NOL8: variants seen among roughly 807,000 people sequenced by gnomAD.
NOL8 encodes the protein nucleolar protein Nop132.
In NOL8, 93 loss-of-function variants were observed where a neutral mutation model predicts 116.1. That is an observed-to-expected ratio of 0.80 (90% CI 0.68 to 0.95). The LOEUF (loss-of-function observed/expected upper bound fraction) is 0.95. Among genes scored for constraint, NOL8 ranks in the 40% least tolerant of loss-of-function variants. The pLI is 0.00. For synonymous variants in NOL8, 419 were observed against 469.0 expected (o/e 0.89, Z 1.38); for missense variants, 1,291 against 1,382.8 (o/e 0.93, Z 1.05).
In NOL8 at chr9:92,315,299, T is replaced by C. The variant is rs750839049; in HGVS notation, c.1326A>G (p.Leu442=). 1.2e-6 allele frequency: 2 copies of C among 1,614,016 alleles called. No homozygotes were observed. The highest frequency in any genetic ancestry group is 2.2e-5 in the East Asian group (1 of 44,886). ...SNVESALSHG[L]KSLNRKSPSH... The stretch of plus-strand genomic sequence containing the variant: ...AGGGAGATTTACGATTAAGAGACTT[T>C]AATCCATGACTGAGGGCTGACTCTA... Residue 442 remains leucine, a synonymous_variant, in exon 7 of 17, where the codon TTA becomes TTG. Transcript: ENST00000442668.
At chr9:92,300,925 G>C (rs1837685281) in intron 13 of NOL8, 3 of 926,116 alleles carry the variant, frequency 3.2e-6, no homozygotes, top group Non-Finnish European at 2.6e-6. Context: ...CTTCTGTATA[G>C]GTATTACCTG....
At position 92,314,483 on chromosome 9, in the gene NOL8, T is replaced by C. The variant is rs775057943; in HGVS notation, c.2142A>G (p.Ser714=). The change falls in exon 7 of 17, where the codon TCA becomes TCG. Residue 714 remains serine (S), a synonymous_variant. Coordinates refer to ENST00000442668, the MANE Select transcript of NOL8 (RefSeq NM_017948.6). ...TEASQEERSD[S]SGLTSLKKSP... ...ATTTCTTGAGAGATGTGAGGCCGCT[T>C]GAATCAGACCGCTCTTCCTGTGAAG... 8 of 1,613,076 alleles carry C rather than the reference T, an allele frequency of 5.0e-6. No homozygotes were observed. Among genetic ancestry groups the C allele is most frequent in the African/African-American group, 1.3e-5 (1 of 74,890 alleles).
intron 7 of NOL8, 92 bp downstream of exon 7, chr9:92,314,175 A>G (rs974065042): frequency 2.1e-6 from 3 of 1,421,798 alleles, no homozygotes; most frequent in Admixed American, 2.7e-5. Context: ...CACCAAGACA[A>G]TCAGCTCTAT....
At position 92,315,691 on chromosome 9, in the gene NOL8, T is replaced by G; in HGVS notation, c.934A>C (p.Ile312Leu). 1 of 1,612,318 alleles carries G rather than the reference T, an allele frequency of 6.2e-7. No homozygotes were observed. Among genetic ancestry groups the G allele is most frequent in the Non-Finnish European group, 8.5e-7 (1 of 1,179,022 alleles). ...TDSEDELRMMIAKEENLQRTT... is the reference protein window; with the variant it reads ...TDSEDELRMMLAKEENLQRTT... ...CTCTGTAAGTTTTCCTCTTTCGCAA[T>G]CATCATTCTCAATTCATCTTCAGAA... is the stretch of plus-strand genomic sequence containing the variant. The change falls in exon 7 of 17, where the codon ATT becomes CTT. Residue 312 changes from isoleucine to leucine, a missense_variant. Physicochemically the swap from Ile to Leu is conservative, Grantham distance 5. Coordinates refer to ENST00000442668, the MANE Select transcript of NOL8 (RefSeq NM_017948.6).
At chr9:92,311,834 C>T (rs1383976599) in intron 7 of NOL8, among the ~76,000 whole-genome samples, 1 of 152,176 alleles carries the variant, frequency 6.6e-6, no homozygotes, top group African/African-American at 2.4e-5. Context: ...ATTTGACCTA[C>T]AACCCCATTA....
At chr9:92,311,102 G>T in intron 8 of NOL8, 44 bp downstream of exon 8, 1 of 1,430,424 alleles carries the variant, frequency 7.0e-7, no homozygotes, top group Non-Finnish European at 9.8e-7. Flanking sequence ...GTGTGGATCT[G>T]CAGAAGTAGA....
chr9:92,306,990 CTCT>C lies in NOL8; in HGVS notation c.2718_2720del (p.Glu907del), dbSNP rs752273349. The C allele has an allele frequency of 1.2e-6, 2 of 1,612,472 alleles. No homozygotes were observed. The highest frequency in any genetic ancestry group is 2.2e-5 in the South Asian group (2 of 90,890). ...GGGCTTTCTTTTTTTCTTCAGCAAG[CTCT>C]TCTTCCTCAGCAGTTTTCTTTTCAT... On this transcript the variant is annotated inframe_deletion, in exon 11 of 17. Transcript: ENST00000442668.
rs756417360 is a variant in NOL8, at chr9:92,314,991, A to C, written c.1634T>G (p.Val545Gly). 1 of 1,614,028 alleles carries C rather than the reference A, an allele frequency of 6.2e-7. No homozygotes were observed. The highest frequency in any genetic ancestry group is 1.7e-5 in the Admixed American group (1 of 60,022). ...CTCCTCTCCTTCTAACAGGGAAGCC[A>C]CAATCTCCGCAGGACGAATACACTG... is the stretch of plus-strand genomic sequence containing the variant. The part of the protein sequence containing the change: ...GRQCIRPAEI[V>G]ASLLEGEENT... The change falls in exon 7 of 17, where the codon GTG becomes GGG. Residue 545 changes from valine to glycine, a missense_variant. Transcript: ENST00000442668.
Position 92,314,501 on chromosome 9 carries a change from C to T in NOL8, c.2124G>A (p.Gln708=), listed in dbSNP as rs751381726. The T allele has an allele frequency of 3.1e-6, 5 of 1,613,600 alleles. No homozygotes were observed. Among genetic ancestry groups the T allele is most frequent in the Admixed American group, 1.7e-5 (1 of 59,992 alleles). Residue 708 remains glutamine (Q), a synonymous_variant, in exon 7 of 17, where the codon CAG becomes CAA. Transcript: ENST00000442668. ...CHSTTKTEAS[Q]EERSDSSGLT... ...GGCCGCTTGAATCAGACCGCTCTTCCTGTGAAGCTTCTGTCTTTGTGGTAC... is the reference window on the plus strand; with the variant it reads ...GGCCGCTTGAATCAGACCGCTCTTCTTGTGAAGCTTCTGTCTTTGTGGTAC...
intron 15 of NOL8, 129 bp downstream of exon 15, chr9:92,298,755 T>G: frequency 1.9e-6 from 1 of 536,434 alleles, no homozygotes; most frequent in South Asian, 3.3e-5. Flanking sequence ...CAAGTTAACA[T>G]TCATCAGTGT....
At position 92,301,736 on chromosome 9, in the gene NOL8, A is replaced by G. The variant is rs776434331; in HGVS notation, c.2990T>C (p.Leu997Pro). 30 of 1,606,374 alleles carry G rather than the reference A, an allele frequency of 1.9e-5. No homozygotes were observed. In the East Asian group the frequency reaches 6.7e-4, roughly 36 times the overall value. The change falls in exon 13 of 17, where the codon CTG (leucine) becomes CCG (proline). Residue 997 changes from leucine to proline, a missense_variant. Transcript: ENST00000442668. ...KEMYYNIAMD[L>P]KEIFQTTKYT... Reference sequence around the variant, plus strand: ...TTTTGTAGTTTGGAATATTTCTTTCAGATCCATAGCAATATTATAATACAT... The same window carrying G: ...TTTTGTAGTTTGGAATATTTCTTTCGGATCCATAGCAATATTATAATACAT...
At chr9:92,310,114 G>A in intron 10 of NOL8, 57 bp downstream of exon 10, 2 of 1,223,028 alleles carry the variant, frequency 1.6e-6, no homozygotes, top group Non-Finnish European at 2.4e-6. Flanking sequence ...GGTATACTAG[G>A]TGATTTCTCA....
Position 92,317,805 on chromosome 9 carries a change from T to C in NOL8, c.486+813A>G, listed in dbSNP as rs566097873. Among the ~76,000 whole-genome samples, 9 of 151,890 alleles carry C rather than the reference T, an allele frequency of 5.9e-5. No homozygotes were observed. In the South Asian group the frequency reaches 1.9e-3, roughly 32 times the overall value. On this transcript the variant is annotated intron_variant, in intron 6 of 16. Transcript: ENST00000442668. Reference sequence around the variant, plus strand: ...ATCCCAGCTCTTTGGGAGGCCAAGGTGGGCAGATCACAAGGTTAGGAGATC... The same window carrying C: ...ATCCCAGCTCTTTGGGAGGCCAAGGCGGGCAGATCACAAGGTTAGGAGATC...
intron 1 of NOL8, chr9:92,324,884 A>C (rs1370358343): frequency 6.6e-6 from 1 of 152,232 alleles, no homozygotes; most frequent in Admixed American, 6.5e-5. Context: ...GAAGAGGTTA[A>C]GTCACTTCCT....
At chr9:92,297,915 A>G in intron 16 of NOL8, 29 bp from the exon 17 acceptor site, 2 of 1,526,752 alleles carry the variant, frequency 1.3e-6, no homozygotes. Flanking sequence ...TTGGTTAGCA[A>G]TAAACAAATT....
chr9:92,310,307 A>G (rs745912847), intron 9 of NOL8, 46 bp from the exon 10 acceptor site: 2 of 1,529,940 alleles, frequency 1.3e-6, no homozygotes, highest in South Asian at 2.3e-5. Flanking sequence ...CATTCCCAAG[A>G]AATTGCTTCT....
intron 2 of NOL8, 143 bp from the exon 3 acceptor site, chr9:92,323,646 G>A (rs1309502573): frequency 6.0e-6 from 4 of 668,328 alleles, no homozygotes; most frequent in Non-Finnish European, 9.5e-6. Flanking sequence ...GTTTTTTATT[G>A]GCTATAAAAA....
chr9:92,306,595 C>T (rs950501307), intron 11 of NOL8, among the ~76,000 whole-genome samples: 1 of 152,124 alleles, frequency 6.6e-6, no homozygotes, highest in Non-Finnish European at 1.5e-5. Flanking sequence ...ATTTCCATAA[C>T]AGTTACGTTT....
At chr9:92,324,773 G>A (rs1840301494) in intron 1 of NOL8, 1 of 152,230 alleles carries the variant, frequency 6.6e-6, no homozygotes, top group African/African-American at 2.4e-5. Flanking sequence ...GTGGGGTTCA[G>A]ACACAAAGAT....
Sources: gnomAD v4.1 joint callset for allele counts (sites outside exome capture counted in the v4.1 genomes callset) on GRCh38, gnomAD v4.1.1 for gene constraint, MANE v1.5 for transcripts, NCBI Gene and HGNC (gene_info 2026-07-23, HGNC 2026-07-21) for gene names.